The following PCDHGA9 variants were observed in gnomAD, a reference collection of about 807,000 sequenced individuals.
The protein encoded by PCDHGA9 is protocadherin gamma subfamily A, 9, also known as protocadherin gamma-A9.
Under a neutral mutation model 62.5 loss-of-function variants are expected in PCDHGA9, and 37 were observed. The observed-to-expected ratio is 0.59, with a 90% confidence interval of 0.46 to 0.78. The LOEUF (loss-of-function observed/expected upper bound fraction) is 0.78. PCDHGA9 is among the 30% of genes least tolerant of loss of function. The pLI is 0.00. For synonymous variants in PCDHGA9, 459 were observed against 484.6 expected, an observed-to-expected ratio of 0.95 and a Z score of 0.69; for missense variants, 1,138 against 1,166.2, an observed-to-expected ratio of 0.98 and a Z score of 0.35.
chr5:141,435,897 A>G (rs1206255678), intron 1 of PCDHGA9, among the ~76,000 whole-genome samples: 2 of 152,166 alleles, frequency 1.3e-5, no homozygotes, highest in East Asian at 1.9e-4. Context: ...TAGAGAATGA[A>G]AGACATCCAA....
intron 1 of PCDHGA9, among the ~76,000 whole-genome samples, chr5:141,450,375 A>G (rs1338336573): frequency 1.3e-5 from 2 of 152,166 alleles, no homozygotes; most frequent in Non-Finnish European, 2.9e-5. Context: ...GTTTGTTTAT[A>G]TGAAACTGAC....
chr5:141,404,630 C>T lies in PCDHGA9; in HGVS notation c.1678C>T (p.Pro560Ser), dbSNP rs1391155615. The stretch of plus-strand genomic sequence containing the variant: ...TGTTTTGGACCAGAATGACAATGCC[C>T]CAGAAATCCTGTACCCTGCCCTCCC... ...LFVLDQNDNAPEILYPALPTD... is the reference protein window; with the variant it reads ...LFVLDQNDNASEILYPALPTD... Residue 560 changes from proline to serine, a missense_variant, in exon 1 of 4, where the codon CCA becomes TCA. By Grantham distance (74) the Pro-to-Ser change is moderately conservative. Transcript: ENST00000573521. 6.2e-7 allele frequency: 1 copy of T among 1,614,154 alleles called. No individual in the cohort carries two copies. Among genetic ancestry groups the T allele is most frequent in the Admixed American group, 1.7e-5 (1 of 60,016 alleles).
intron 1 of PCDHGA9, chr5:141,408,518 T>A (rs1330187050): frequency 6.2e-7 from 1 of 1,614,010 alleles, no homozygotes; most frequent in African/African-American, 1.3e-5. Flanking sequence ...TGAGTTGCAA[T>A]TGGAAGCTGT....
At position 141,511,426 on chromosome 5, in the gene PCDHGA9, G is replaced by C. The variant is rs2099883789; in HGVS notation, c.*253G>C. 2.5e-6 allele frequency: 2 copies of C among 798,652 alleles called. No homozygotes were observed. The highest frequency in any genetic ancestry group is 3.8e-6 in the Non-Finnish European group (2 of 529,972). 49.5% of individuals were successfully genotyped at this position (798,652 alleles called of 1,614,324 possible). ...CAACTGCTGTACCCATGGGGGTAGTGGGGTTACTGTAGACACCAAGAACCA... is the reference window on the plus strand; with the variant it reads ...CAACTGCTGTACCCATGGGGGTAGTCGGGTTACTGTAGACACCAAGAACCA... On this transcript the variant is annotated 3_prime_UTR_variant, in exon 4 of 4. Transcript: ENST00000573521.
chr5:141,490,960 T>C lies in PCDHGA9; in HGVS notation c.2425-3847T>C. 1.9e-6 allele frequency: 3 copies of C among 1,613,794 alleles called. No homozygotes were observed. The highest frequency in any genetic ancestry group is 2.2e-5 in the South Asian group (2 of 91,030). On this transcript the variant is annotated intron_variant, in intron 1 of 3. Transcript: ENST00000573521. The surrounding 1 kb of genome is among the most constrained non-coding windows in gnomAD (Gnocchi z 5.4). ...GCACCCACGGCCAGACTGGGAACACTCAGCCCCCCAGCGTCTCCCTCGCTC... is the reference window on the plus strand; with the variant it reads ...GCACCCACGGCCAGACTGGGAACACCCAGCCCCCCAGCGTCTCCCTCGCTC...
At chr5:141,478,513 G>A in intron 1 of PCDHGA9, 1 of 1,611,520 alleles carries the variant, frequency 6.2e-7, no homozygotes. Context: ...TCTATAGGCA[G>A]GTGTTGGGTG....
Position 141,432,794 on chromosome 5 carries a change from G to C in PCDHGA9, c.2424+27418G>C. 3 of 1,614,138 alleles carry C rather than the reference G, an allele frequency of 1.9e-6. No homozygotes were observed. The highest frequency in any genetic ancestry group is 1.7e-5 in the Admixed American group (1 of 60,026). ...AGTCCTGGCGGACCTCGGCAGCCTC[G>C]AGTCTCCAGCTAACTCTGAAACCTC... On this transcript the variant is annotated intron_variant, in intron 1 of 3. Coordinates refer to ENST00000573521, the MANE Select transcript of PCDHGA9 (RefSeq NM_018921.3). The surrounding 1 kb of genome is among the most constrained non-coding windows in gnomAD (Gnocchi z 6.0).
Position 141,494,864 on chromosome 5 carries a change from G to T in PCDHGA9, c.2482G>T (p.Gly828Cys), listed in dbSNP as rs773899530. 12 of 1,613,950 alleles carry T rather than the reference G, an allele frequency of 7.4e-6. No individual in the cohort carries two copies. Among genetic ancestry groups the T allele is most frequent in the South Asian group, 1.1e-5 (1 of 91,080 alleles). ...TCAGGCCCAGAGACCCGGCACCAGC[G>T]GGTAGGTGACTGATTCTCCAGCCCA... Reference protein sequence around the residue: ...FSQAQRPGTSGSQNGDDTGTW... With the variant: ...FSQAQRPGTSCSQNGDDTGTW... Residue 828 changes from glycine to cysteine, a missense_variant and splice_region_variant, in exon 2 of 4, where the codon GGC becomes TGC. Physicochemically the swap from Gly to Cys is radical, Grantham distance 159 (BLOSUM62 -3). Coordinates refer to ENST00000573521, the MANE Select transcript of PCDHGA9 (RefSeq NM_018921.3).
intron 1 of PCDHGA9, chr5:141,413,247 CGGGATTCCAT>C: frequency 6.2e-7 from 1 of 1,613,940 alleles, no homozygotes; most frequent in South Asian, 1.1e-5. Flanking sequence ...GCCTTTTCTT[CGGGATTCCAT>C]GGGAGGCTGG....
chr5:141,485,744 G>T lies in PCDHGA9; in HGVS notation c.2425-9063G>T. 1 of 1,614,226 alleles carries T rather than the reference G, an allele frequency of 6.2e-7. No individual in the cohort carries two copies. Among genetic ancestry groups the T allele is most frequent in the Non-Finnish European group, 8.5e-7 (1 of 1,180,038 alleles). On this transcript the variant is annotated intron_variant, in intron 1 of 3. Transcript: ENST00000573521. The surrounding 1 kb of genome is among the most constrained non-coding windows in gnomAD (Gnocchi z 5.7). ...GAAGAAGCGCAGCGACGGCAGCCTG[G>T]TCCCAGAGCTGCTCCTGGAGAAGCC...
chr5:141,477,087 C>A lies in PCDHGA9; in HGVS notation c.2425-17720C>A, dbSNP rs748424193. 14 of 1,614,244 alleles carry A rather than the reference C, an allele frequency of 8.7e-6. No individual in the cohort carries two copies. Among genetic ancestry groups the A allele is most frequent in the Non-Finnish European group, 8.5e-7 (1 of 1,180,048 alleles). On this transcript the variant is annotated intron_variant, in intron 1 of 3. Transcript: ENST00000573521. This position sits in a 1 kb window ranked among gnomAD's most constrained non-coding sequence, Gnocchi z 4.9. ...AAACTCCATGAGATTTACATCCAGG[C>A]CAAAGACAAGGGCGCCAATCCCGAA...
At position 141,491,798 on chromosome 5, in the gene PCDHGA9, G is replaced by A. The variant is rs1269524283; in HGVS notation, c.2425-3009G>A. 1 of 1,506,648 alleles carries A rather than the reference G, an allele frequency of 6.6e-7. No homozygotes were observed. The highest frequency in any genetic ancestry group is 8.9e-7 in the Non-Finnish European group (1 of 1,128,050). The allele number at this position is 1,506,648 out of a possible 1,614,324, so 93.3% of individuals were successfully genotyped here. ...TTGAACTTGCATCCACTCCTCTCCG[G>A]CCGGCTTGGTCGCTGGCTGCGCTCC... On this transcript the variant is annotated intron_variant, in intron 1 of 3. Coordinates refer to ENST00000573521, the MANE Select transcript of PCDHGA9 (RefSeq NM_018921.3). This position sits in a 1 kb window ranked among gnomAD's most constrained non-coding sequence, Gnocchi z 6.9.
chr5:141,447,533 G>T (rs2098541881), intron 1 of PCDHGA9, among the ~76,000 whole-genome samples: 1 of 152,120 alleles, frequency 6.6e-6, no homozygotes, highest in South Asian at 2.1e-4. Flanking sequence ...CAAAATTGTT[G>T]GGTTTTAATG....
intron 1 of PCDHGA9, among the ~76,000 whole-genome samples, chr5:141,452,909 T>C (rs1408054133): frequency 6.6e-6 from 1 of 152,232 alleles, no homozygotes; most frequent in Non-Finnish European, 1.5e-5. Flanking sequence ...GTTGGCATTA[T>C]ACAGTAAGAA....
In PCDHGA9 at chr5:141,403,099, C is replaced by T. The variant is rs762392585; in HGVS notation, c.147C>T (p.Ser49=). The T allele has an allele frequency of 2.5e-6, 4 of 1,613,938 alleles. No individual in the cohort carries two copies. The highest frequency in any genetic ancestry group is 2.5e-6 in the Non-Finnish European group (3 of 1,179,908). ...TEKGYIVGNI[S]KDLALEPREL... The stretch of plus-strand genomic sequence containing the variant: ...AGGGCTATATTGTGGGCAACATCTC[C>T]AAGGACCTGGCTCTGGAGCCCCGGG... The change falls in exon 1 of 4, where the codon TCC becomes TCT. Residue 49 remains serine (S), a synonymous_variant. Coordinates refer to ENST00000573521, the MANE Select transcript of PCDHGA9 (RefSeq NM_018921.3).
In PCDHGA9 at chr5:141,491,144, TGGA is replaced by T. The variant is rs757881044; in HGVS notation, c.2425-3659_2425-3657del. ...GAGGTGCGCACAGCCCGGGCCTTAC[TGGA>T]GGATGACTCTGACACCCAGCAGGTG... On this transcript the variant is annotated intron_variant, in intron 1 of 3. Coordinates refer to ENST00000573521, the MANE Select transcript of PCDHGA9 (RefSeq NM_018921.3). This position sits in a 1 kb window ranked among gnomAD's most constrained non-coding sequence, Gnocchi z 6.9. The T allele has an allele frequency of 1.2e-6, 2 of 1,614,158 alleles. No individual in the cohort carries two copies. The highest frequency in any genetic ancestry group is 2.2e-5 in the South Asian group (2 of 91,086).
At chr5:141,479,084 G>A (rs749298402) in intron 1 of PCDHGA9, among the ~76,000 whole-genome samples, 19 of 152,016 alleles carry the variant, frequency 1.2e-4, no homozygotes, top group Non-Finnish European at 1.9e-4. Flanking sequence ...GAAATTCCAG[G>A]CATCCTTTAA....
chr5:141,482,404 A>C (rs1262544355), intron 1 of PCDHGA9, among the ~76,000 whole-genome samples: 1 of 152,076 alleles, frequency 6.6e-6, no homozygotes, highest in Non-Finnish European at 1.5e-5. Flanking sequence ...GTACTCAATA[A>C]CTATTTGTTG....
intron 1 of PCDHGA9, chr5:141,478,679 C>T (rs1247027395): frequency 3.2e-6 from 5 of 1,551,382 alleles, no homozygotes; most frequent in East Asian, 2.4e-5. Flanking sequence ...TCAACTGGCC[C>T]TTCCTAGATC....
Sources: gnomAD v4.1 joint callset for allele counts (sites outside exome capture counted in the v4.1 genomes callset) on GRCh38, gnomAD v4.1.1 for gene constraint, Gnocchi (gnomAD v3.1) non-coding constraint, MANE v1.5 for transcripts, NCBI Gene and HGNC (gene_info 2026-07-23, HGNC 2026-07-21) for gene names.